The following RBFOX3 variants were observed in gnomAD, a reference collection of about 807,000 sequenced individuals.
RBFOX3 encodes RNA binding protein fox-1 homolog 3.
In RBFOX3, 17 loss-of-function variants were observed where a neutral mutation model predicts 48.7. The observed-to-expected ratio is 0.35, with a 90% confidence interval of 0.24 to 0.52. The LOEUF (loss-of-function observed/expected upper bound fraction) is 0.52. Ranked by LOEUF, RBFOX3 falls within the 20% of genes least tolerant of loss-of-function variation. The pLI, the probability that RBFOX3 is intolerant of heterozygous loss-of-function variation, is 0.94. For missense variants in RBFOX3, 382 were observed against 497.5 expected (o/e 0.77, Z 2.21); for synonymous variants, 212 against 209.5 (o/e 1.01, Z -0.10).
At chr17:79,194,742 CTGTGTGTGTGGGTGTGTGTGTG>C (rs1298906368) in intron 4 of RBFOX3, among the ~76,000 whole-genome samples, 2 of 50,816 alleles carry the variant, frequency 3.9e-5, no homozygotes, top group Non-Finnish European at 7.2e-5. Flanking sequence ...GAGACACTCC[CTGTGTGTGTGGGTGTGTGTGTG>C]TGTGTGTGTG....
chr17:79,520,440 G>A (rs1222824426), intron 1 of RBFOX3, among the ~76,000 whole-genome samples: 6 of 152,182 alleles, frequency 3.9e-5, no homozygotes, highest in South Asian at 2.1e-4. Context: ...CCTCCTGTGC[G>A]CACGTGCCAG....
the RBFOX3 span, among the ~76,000 whole-genome samples, chr17:79,621,294 C>T: frequency 6.6e-6 from 1 of 152,204 alleles, no homozygotes; most frequent in Non-Finnish European, 1.5e-5. Flanking sequence ...CCACCACGCC[C>T]AGCCTGTCCT....
rs1045698297 is a variant in RBFOX3, at chr17:79,578,885, C to G, written c.-320+31941G>C. On this transcript the variant is annotated intron_variant, in intron 1 of 14. Transcript: ENST00000693108. Reference sequence around the variant, plus strand: ...CTGACCTCAGGGCTCGCTCCATCACCGCATGACCCCAGTGGCACAACTGTG... The same window carrying G: ...CTGACCTCAGGGCTCGCTCCATCACGGCATGACCCCAGTGGCACAACTGTG... Among the ~76,000 whole-genome samples the G allele has an allele frequency of 2.0e-5, 3 of 152,106 alleles. 1 individual carries two copies. The East Asian group carries it at 5.8e-4, about 29-fold the overall frequency.
intron 4 of RBFOX3, among the ~76,000 whole-genome samples, chr17:79,207,184 G>C (rs371724508): frequency 4.7e-4 from 72 of 152,354 alleles, no homozygotes; most frequent in Admixed American, 1.1e-3. Flanking sequence ...GTTGTTTTAC[G>C]ATTCAGAAAA....
intron 1 of RBFOX3, among the ~76,000 whole-genome samples, chr17:79,542,367 TAGTGGGGCGGCTCCCTAGTCCCTAGATGA>T (rs1458324975): frequency 6.6e-6 from 1 of 152,110 alleles, no homozygotes; most frequent in Non-Finnish European, 1.5e-5. Flanking sequence ...GTGTGAGCGC[TAGTGGGGCGGCTCCCTAGTCCCTAGATGA>T]GGAAATCAGG....
intron 4 of RBFOX3, among the ~76,000 whole-genome samples, chr17:79,131,826 T>A (rs1036582758): frequency 1.3e-5 from 2 of 152,184 alleles, no homozygotes; most frequent in Non-Finnish European, 2.9e-5. Context: ...CCCGGCCACC[T>A]GGCCAGAGCC....
chr17:79,209,048 T>C (rs1285309328), intron 4 of RBFOX3, among the ~76,000 whole-genome samples: 1 of 151,930 alleles, frequency 6.6e-6, no homozygotes, highest in Non-Finnish European at 1.5e-5. Flanking sequence ...CTCGATCTCC[T>C]GACCTTGTGA....
At position 79,103,978 on chromosome 17, in the gene RBFOX3, G is replaced by A. The variant is rs1330344343; in HGVS notation, c.414+95C>T. The A allele has an allele frequency of 9.1e-6, 10 of 1,093,078 alleles. No individual in the cohort carries two copies. Among genetic ancestry groups the A allele is most frequent in the African/African-American group, 1.6e-5 (1 of 63,948 alleles). 67.7% of individuals were successfully genotyped at this position (1,093,078 alleles called of 1,614,324 possible). ...CCGTGTCGCTCAGGGGTCCTCGGGCGCGAAGCTCTCCAGGAAGGAAACGCA... is the reference window on the plus strand; with the variant it reads ...CCGTGTCGCTCAGGGGTCCTCGGGCACGAAGCTCTCCAGGAAGGAAACGCA... On this transcript the variant is annotated intron_variant, in intron 7 of 14. Coordinates refer to ENST00000693108, the MANE Select transcript of RBFOX3 (RefSeq NM_001350451.2). The surrounding 1 kb of genome is among the most constrained non-coding windows in gnomAD (Gnocchi z 6.1).
chr17:79,320,727 G>A (rs1333206574), intron 2 of RBFOX3, among the ~76,000 whole-genome samples: 1 of 150,774 alleles, frequency 6.6e-6, no homozygotes, highest in Non-Finnish European at 1.5e-5. Context: ...GCACCTCAAC[G>A]CAGGAGCCCT....
At chr17:79,315,529 C>T (rs540510135) in intron 2 of RBFOX3, among the ~76,000 whole-genome samples, 4 of 152,316 alleles carry the variant, frequency 2.6e-5, no homozygotes, top group East Asian at 1.9e-4. Context: ...TCTCCCAGGC[C>T]GCGCCTTCAC....
intron 1 of RBFOX3, among the ~76,000 whole-genome samples, chr17:79,486,439 G>C (rs2079615728): frequency 6.6e-6 from 1 of 152,158 alleles, no homozygotes; most frequent in Non-Finnish European, 1.5e-5. Flanking sequence ...ACCTTCAAGG[G>C]GAAAAGCCCC....
In RBFOX3 at chr17:79,097,180, C is replaced by T. The variant is rs188890273; in HGVS notation, c.755+112G>A. ...CTGGGGCTCCCACGATCCTCCCCCC[C>T]CCCAGGTCTGGAAAGGCTGCCTAGC... On this transcript the variant is annotated intron_variant, in intron 11 of 14. Coordinates refer to ENST00000693108, the MANE Select transcript of RBFOX3 (RefSeq NM_001350451.2). 1,019 of 911,106 alleles carry T rather than the reference C, an allele frequency of 1.1e-3. 7 individuals are homozygous for T. The highest frequency in any genetic ancestry group is 3.1e-3 in the African/African-American group (181 of 58,882). 56.4% of individuals were successfully genotyped at this position (911,106 alleles called of 1,614,324 possible).
At chr17:79,532,448 T>C (rs1330859969) in intron 1 of RBFOX3, among the ~76,000 whole-genome samples, 5 of 152,088 alleles carry the variant, frequency 3.3e-5, no homozygotes, top group Non-Finnish European at 7.4e-5. Flanking sequence ...CAGCCAGAGC[T>C]GATGAGGTTG....
At chr17:79,247,437 C>T (rs8077249) in intron 3 of RBFOX3, among the ~76,000 whole-genome samples, 34,161 of 151,184 alleles carry the variant, frequency 0.23, 4,016 homozygotes, top group Non-Finnish European at 0.26. Flanking sequence ...CTCAGCCTCC[C>T]GAGTAGCTGG....
chr17:79,586,194 G>A (rs1331722366), intron 1 of RBFOX3, among the ~76,000 whole-genome samples: 1 of 152,190 alleles, frequency 6.6e-6, no homozygotes, highest in Non-Finnish European at 1.5e-5. Context: ...AGACACGAGG[G>A]TGCCCCCATT....
intron 1 of RBFOX3, among the ~76,000 whole-genome samples, chr17:79,569,008 C>A (rs2092569145): frequency 6.6e-6 from 1 of 152,040 alleles, no homozygotes; most frequent in African/African-American, 2.4e-5. Context: ...TTGAGAAATA[C>A]CCCCACTAGC....
chr17:79,486,921 C>T (rs2079691652), intron 1 of RBFOX3, among the ~76,000 whole-genome samples: 1 of 152,232 alleles, frequency 6.6e-6, no homozygotes, highest in African/African-American at 2.4e-5. Context: ...GAGACTGGGG[C>T]AGCCCCTGGT....
intron 1 of RBFOX3, among the ~76,000 whole-genome samples, chr17:79,549,754 A>C (rs533137862): frequency 1.3e-5 from 2 of 152,308 alleles, no homozygotes; most frequent in South Asian, 4.1e-4. Context: ...GACTGTCACC[A>C]TGGGGCCAAA....
intron 4 of RBFOX3, among the ~76,000 whole-genome samples, chr17:79,180,750 G>A (rs1279570020): frequency 2.0e-5 from 3 of 152,122 alleles, no homozygotes; most frequent in South Asian, 2.1e-4. Context: ...GGAAATGGCT[G>A]CATTCTAGAC....
Sources: gnomAD v4.1 joint callset for allele counts (sites outside exome capture counted in the v4.1 genomes callset) on GRCh38, gnomAD v4.1.1 for gene constraint, Gnocchi (gnomAD v3.1) non-coding constraint, MANE v1.5 for transcripts, NCBI Gene and HGNC (gene_info 2026-07-23, HGNC 2026-07-21) for gene names.